CRTAC1: variants seen among roughly 807,000 people sequenced by gnomAD.
The protein encoded by CRTAC1 is acidic secreted protein in cartilage.
CRTAC1 carries 37 observed loss-of-function variants against 67.8 expected under a neutral mutation model. The ratio of observed to expected loss-of-function variants is 0.55; its 90% CI spans 0.42 to 0.72. The LOEUF is 0.72. Among genes scored for constraint, CRTAC1 ranks in the 30% least tolerant of loss-of-function variants. CRTAC1 has a pLI of 0.00. For synonymous variants in CRTAC1, 348 were observed against 371.0 expected (o/e 0.94, Z 0.71); for missense variants, 780 against 931.6 (o/e 0.84, Z 2.12).
At chr10:97,958,478 C>T (rs568555908) in intron 2 of CRTAC1, among the ~76,000 whole-genome samples, 1 of 152,232 alleles carries the variant, frequency 6.6e-6, no homozygotes, top group South Asian at 2.1e-4. Context: ...TGTTTTTTAA[C>T]CAACAGACTT....
At chr10:97,978,359 C>G (rs962507810) in intron 2 of CRTAC1, among the ~76,000 whole-genome samples, 1 of 152,152 alleles carries the variant, frequency 6.6e-6, no homozygotes, top group African/African-American at 2.4e-5. Flanking sequence ...GTTCCTTTAC[C>G]CCCTCTCCAC....
At chr10:97,941,353 G>C (rs140124251) in intron 2 of CRTAC1, among the ~76,000 whole-genome samples, 327 of 151,966 alleles carry the variant, frequency 2.2e-3, no homozygotes, top group African/African-American at 7.5e-3. Context: ...GGAGTCCCCA[G>C]TCCTGGGCAT....
At chr10:97,912,879 G>T (rs1015308549) in intron 5 of CRTAC1, among the ~76,000 whole-genome samples, 1 of 152,194 alleles carries the variant, frequency 6.6e-6, no homozygotes, top group African/African-American at 2.4e-5. Flanking sequence ...ATCCTCCAGG[G>T]TGGACACAGG....
chr10:97,932,932 T>C (rs1167101097), intron 3 of CRTAC1, among the ~76,000 whole-genome samples: 1 of 152,210 alleles, frequency 6.6e-6, no homozygotes, highest in Non-Finnish European at 1.5e-5. Context: ...CAGGATGTTG[T>C]TGGGATGCAG....
intron 4 of CRTAC1, among the ~76,000 whole-genome samples, chr10:97,921,074 T>C (rs1328023252): frequency 6.6e-6 from 1 of 152,050 alleles, no homozygotes; most frequent in Non-Finnish European, 1.5e-5. Flanking sequence ...AAAGGTCTCA[T>C]ACTTCAGCAT....
intron 2 of CRTAC1, among the ~76,000 whole-genome samples, chr10:97,952,534 A>G (rs1178420838): frequency 1.0e-5 from 1 of 96,898 alleles, no homozygotes; most frequent in Non-Finnish European, 2.1e-5. Context: ...GTGAAATTCC[A>G]TCTCAAAAAA....
intron 2 of CRTAC1, among the ~76,000 whole-genome samples, chr10:98,002,959 A>G (rs575716312): frequency 9.6e-5 from 14 of 146,198 alleles, no homozygotes; most frequent in Admixed American, 8.1e-4. Flanking sequence ...TTTTTTTTGT[A>G]TTTTTAGTAG....
chr10:97,958,780 T>C (rs973658678), intron 2 of CRTAC1, among the ~76,000 whole-genome samples: 9 of 152,146 alleles, frequency 5.9e-5, no homozygotes, highest in African/African-American at 2.2e-4. Flanking sequence ...CACACTTTCT[T>C]TGCCAGAAAA....
chr10:97,991,873 T>C (rs964208878), intron 2 of CRTAC1, among the ~76,000 whole-genome samples: 1 of 152,274 alleles, frequency 6.6e-6, no homozygotes, highest in Non-Finnish European at 1.5e-5. Flanking sequence ...TTGGAAACTT[T>C]GAGATATCTG....
chr10:97,865,641 GGCAGCA>G lies in CRTAC1; in HGVS notation c.1887_1892del (p.Ala632_Ala633del). 1 of 1,612,250 alleles carries G rather than the reference GGCAGCA, an allele frequency of 6.2e-7. No individual in the cohort carries two copies. Among genetic ancestry groups the G allele is most frequent in the Non-Finnish European group, 8.5e-7 (1 of 1,179,274 alleles). ...GTGCAGCAGTGGCAGCTCCAGCAGC[GGCAGCA>G]GCAGCGGCAGTGGCAGCAGCAGCGG... On this transcript the variant is annotated inframe_deletion, in exon 15 of 15. Coordinates refer to ENST00000370597, the MANE Select transcript of CRTAC1 (RefSeq NM_018058.7).
intron 3 of CRTAC1, among the ~76,000 whole-genome samples, chr10:97,923,742 G>T (rs1004378083): frequency 4.6e-5 from 7 of 152,142 alleles, no homozygotes; most frequent in African/African-American, 1.7e-4. Context: ...GGAGCTCCTG[G>T]GACTGCAATA....
chr10:97,917,972 C>T (rs959935832), intron 4 of CRTAC1, among the ~76,000 whole-genome samples: 2 of 152,176 alleles, frequency 1.3e-5, no homozygotes, highest in African/African-American at 2.4e-5. Flanking sequence ...ATGTGCCTCC[C>T]TCCAGCTGAG....
In CRTAC1 at chr10:98,030,120, G is replaced by A. The variant is rs1458600402; in HGVS notation, c.24+329C>T. Among the ~76,000 whole-genome samples the A allele has an allele frequency of 6.6e-6, 1 of 151,840 alleles. No individual in the cohort carries two copies. Among genetic ancestry groups the A allele is most frequent in the Non-Finnish European group, 1.5e-5 (1 of 67,938 alleles). On this transcript the variant is annotated intron_variant, in intron 1 of 14. Transcript: ENST00000370597. This position sits in a 1 kb window ranked among gnomAD's most constrained non-coding sequence, Gnocchi z 4.2. ...CGCTCCGCCCCCTCCAGGCCCCAGA[G>A]GCCCCCTCCCCTGACAGCTGACCTC...
chr10:97,882,014 T>G (rs6584162), intron 13 of CRTAC1, among the ~76,000 whole-genome samples: 47,513 of 152,078 alleles, frequency 0.31, 7,453 homozygotes, highest in Admixed American at 0.32. Flanking sequence ...CTGTTTACTT[T>G]TGTGGCTCTC....
Position 97,904,586 on chromosome 10 carries a change from AT to A in CRTAC1, c.996+82del, listed in dbSNP as rs543431293. On this transcript the variant is annotated intron_variant, in intron 7 of 14. Coordinates refer to ENST00000370597, the MANE Select transcript of CRTAC1 (RefSeq NM_018058.7). The stretch of plus-strand genomic sequence containing the variant: ...AGGCACGCACCACCACACCTGGCCA[AT>A]TTTTGGTATTTTTAGTAGAGACAGG... 2.5e-4 allele frequency: 353 copies of A among 1,393,460 alleles called. 4 individuals carry two copies. The East Asian group carries it at 8.0e-3, about 32-fold the overall frequency. The allele number at this position is 1,393,460 out of a possible 1,614,324, so 86.3% of individuals were successfully genotyped here. A position where few individuals can be genotyped will look rare whatever the true frequency, so the allele number is the denominator to read the frequency against.
At chr10:97,964,006 C>T (rs79080562) in intron 2 of CRTAC1, among the ~76,000 whole-genome samples, 1,704 of 152,290 alleles carry the variant, frequency 0.011, 39 homozygotes, top group African/African-American at 0.038. Flanking sequence ...TTTCTACACT[C>T]GCCCCACCTA....
At chr10:97,977,501 T>C (rs1397889608) in intron 2 of CRTAC1, among the ~76,000 whole-genome samples, 2 of 149,378 alleles carry the variant, frequency 1.3e-5, no homozygotes, top group East Asian at 3.8e-4. Flanking sequence ...CAGTGGCTAC[T>C]GCAATGATGT....
rs148310471 is a variant in CRTAC1 at position 97,963,323 on chromosome 10, G to A, written c.225-26957C>T. 5.0e-3 allele frequency among the ~76,000 whole-genome samples: 761 copies of A among 152,292 alleles called. 6 individuals are homozygous for A. Among genetic ancestry groups the A allele is most frequent in the African/African-American group, 0.017 (725 of 41,548 alleles). On this transcript the variant is annotated intron_variant, in intron 2 of 14. Transcript: ENST00000370597. The stretch of plus-strand genomic sequence containing the variant: ...GAGCACTGGCATCCCCTGGGGGCTT[G>A]TTAAAAATTCACATTTCTTGGGCCC...
At position 97,915,245 on chromosome 10, in the gene CRTAC1, G is replaced by A. The variant is rs79533985; in HGVS notation, c.715+2255C>T. Reference sequence around the variant, plus strand: ...TAGGGTTCTTAAGTTGGAGGTCATCGGAAAGGTCAGCGGGCTGTGGCAGTT... The same window carrying A: ...TAGGGTTCTTAAGTTGGAGGTCATCAGAAAGGTCAGCGGGCTGTGGCAGTT... On this transcript the variant is annotated intron_variant, in intron 5 of 14. Coordinates refer to ENST00000370597, the MANE Select transcript of CRTAC1 (RefSeq NM_018058.7). Among the ~76,000 whole-genome samples the A allele has an allele frequency of 3.9e-4, 59 of 152,342 alleles. 1 individual carries two copies. The East Asian group carries it at 0.01, about 26-fold the overall frequency.
Sources: allele counts gnomAD v4.1 joint callset (sites outside exome capture counted in the v4.1 genomes callset), GRCh38; gene constraint gnomAD v4.1.1; non-coding constraint Gnocchi (gnomAD v3.1); transcripts MANE v1.5; gene names NCBI Gene and HGNC (gene_info 2026-07-23, HGNC 2026-07-21).